Variants in FNTB observed in about 807,000 individuals in gnomAD.
FNTB encodes the protein protein farnesyltransferase subunit beta.
In FNTB, 27 loss-of-function variants were observed where a neutral mutation model predicts 59.4. That is an observed-to-expected ratio of 0.45 (90% CI 0.34 to 0.63). FNTB has a LOEUF of 0.63. Among genes scored for constraint, FNTB ranks in the 20% least tolerant of loss-of-function variants. The pLI, the probability that FNTB is intolerant of heterozygous loss-of-function variation, is 0.02. For synonymous variants in FNTB, 230 were observed against 220.7 expected (o/e 1.04, Z -0.37); for missense variants, 449 against 559.6 (o/e 0.80, Z 1.99).
intron 1 of FNTB, among the ~76,000 whole-genome samples, chr14:64,992,638 A>G (rs1271456797): frequency 2.0e-5 from 3 of 152,098 alleles, no homozygotes; most frequent in Non-Finnish European, 4.4e-5. Flanking sequence ...TTTTTTTTTA[A>G]GAAAGGGTCT....
intron 11 of FNTB, among the ~76,000 whole-genome samples, chr14:65,057,428 T>G (rs1200487542): frequency 2.0e-5 from 3 of 152,094 alleles, no homozygotes; most frequent in African/African-American, 4.8e-5. Flanking sequence ...CCAGCACCCC[T>G]TCCCCACAAA....
At chr14:65,017,071 C>T (rs1032026597) in intron 4 of FNTB, among the ~76,000 whole-genome samples, 3 of 151,866 alleles carry the variant, frequency 2.0e-5, no homozygotes, top group African/African-American at 7.3e-5. Context: ...TACAGGCACC[C>T]ACCACCGTGC....
At position 65,030,501 on chromosome 14, in the gene FNTB, G is replaced by A. The variant is rs2062059769; in HGVS notation, c.606-2109G>A. 6.6e-6 allele frequency among the ~76,000 whole-genome samples: 1 copy of A among 152,166 alleles called. No individual in the cohort carries two copies. Among genetic ancestry groups the A allele is most frequent in the African/African-American group, 2.4e-5 (1 of 41,446 alleles). ...TGTCTGTAATCTCAACACTTTGAGA[G>A]ACTGAGATGAGAGAATCACTTGAGG... On this transcript the variant is annotated intron_variant, in intron 6 of 11. Transcript: ENST00000246166. The surrounding 1 kb of genome is among the most constrained non-coding windows in gnomAD (Gnocchi z 4.5).
chr14:65,013,845 G>GTTATTTAAATC (rs1348611031), intron 3 of FNTB, among the ~76,000 whole-genome samples: 1 of 152,226 alleles, frequency 6.6e-6, no homozygotes, highest in Non-Finnish European at 1.5e-5. Context: ...ACTGCGCCCA[G>GTTATTTAAATC]TTGCATTCTC....
At position 65,012,211 on chromosome 14, in the gene FNTB, A is replaced by T; in HGVS notation, c.210-106A>T. On this transcript the variant is annotated intron_variant, in intron 2 of 11. Transcript: ENST00000246166. The surrounding 1 kb of genome is among the most constrained non-coding windows in gnomAD (Gnocchi z 5.0). ...TTATCCAGTCAGTGATTGCAGGGGG[A>T]CGTCCTGAAGCTGAGTGTTTACCCG... 1 of 1,372,438 alleles carries T rather than the reference A, an allele frequency of 7.3e-7. No individual in the cohort carries two copies. Among genetic ancestry groups the T allele is most frequent in the Non-Finnish European group, 1.0e-6 (1 of 980,472 alleles). The allele number at this position is 1,372,438 out of a possible 1,614,324, so 85.0% of individuals were successfully genotyped here.
intron 9 of FNTB, among the ~76,000 whole-genome samples, chr14:65,048,171 C>T (rs186673887): frequency 2.0e-4 from 31 of 151,586 alleles, no homozygotes; most frequent in Middle Eastern, 3.4e-3. Context: ...TTAGTAGAGA[C>T]AGGATATGAC....
chr14:65,061,539 C>T lies in FNTB; in HGVS notation c.*227C>T. ...CCTGTCAAACCAAAAATCTATCAGC[C>T]CACGTGGTGTGGTTGGTGAACAGTG... On this transcript the variant is annotated 3_prime_UTR_variant, in exon 12 of 12. Coordinates refer to ENST00000246166, the MANE Select transcript of FNTB (RefSeq NM_002028.4). 1 of 618,068 alleles carries T rather than the reference C, an allele frequency of 1.6e-6. No individual in the cohort carries two copies. Among genetic ancestry groups the T allele is most frequent in the Non-Finnish European group, 2.6e-6 (1 of 385,408 alleles). The allele number at this position is 618,068 out of a possible 1,614,324, so 38.3% of individuals were successfully genotyped here. A position where few individuals can be genotyped will look rare whatever the true frequency, so the allele number is the denominator to read the frequency against.
At chr14:65,035,348 T>A (rs983620871) in intron 7 of FNTB, among the ~76,000 whole-genome samples, 51 of 152,182 alleles carry the variant, frequency 3.4e-4, no homozygotes, top group Non-Finnish European at 7.3e-5. Context: ...CCTGCCCTTT[T>A]TCAGTCAGCT....
intron 11 of FNTB, among the ~76,000 whole-genome samples, chr14:65,058,368 T>G (rs2062789627): frequency 6.6e-6 from 1 of 152,128 alleles, no homozygotes; most frequent in African/African-American, 2.4e-5. Context: ...TGTATAGAAA[T>G]GCTAATAATA....
At chr14:65,060,568 C>T (rs1181004668) in intron 11 of FNTB, among the ~76,000 whole-genome samples, 6 of 125,796 alleles carry the variant, frequency 4.8e-5, no homozygotes, top group African/African-American at 9.0e-5. Flanking sequence ...TAGTGGCGGG[C>T]GCCTGTAGTC....
rs964162351 is a variant in FNTB at position 65,030,221 on chromosome 14, G to A, written c.606-2389G>A. ...CTCTTTAAGAGGCCTACAATTGCAA[G>A]GAAATTAGACAGATCTTCAAAATTA... On this transcript the variant is annotated intron_variant, in intron 6 of 11. Transcript: ENST00000246166. This position sits in a 1 kb window ranked among gnomAD's most constrained non-coding sequence, Gnocchi z 4.5. Among the ~76,000 whole-genome samples, 2 of 152,186 alleles carry A rather than the reference G, an allele frequency of 1.3e-5. No individual in the cohort carries two copies. The highest frequency in any genetic ancestry group is 4.8e-5 in the African/African-American group (2 of 41,452).
rs752927586 is a variant in FNTB at position 64,987,005 on chromosome 14, G to T, written c.52G>T (p.Val18Phe). 3 of 1,614,004 alleles carry T rather than the reference G, an allele frequency of 1.9e-6. No homozygotes were observed. The African/African-American group carries it at 4.0e-5, about 22-fold the overall frequency. Reference sequence around the variant, plus strand: ...CTATTGCCCTCCATCTTCCTCCCCCGTCTGGTCAGAGCCGCTGTACAGTCT... The same window carrying T: ...CTATTGCCCTCCATCTTCCTCCCCCTTCTGGTCAGAGCCGCTGTACAGTCT... ...TYYCPPSSSP[V>F]WSEPLYSLRP... The change falls in exon 1 of 12, where the codon GTC becomes TTC. Residue 18 changes from valine to phenylalanine, a missense_variant. Coordinates refer to ENST00000246166, the MANE Select transcript of FNTB (RefSeq NM_002028.4).
chr14:65,037,403 C>CTTTTTTTTTTGTT (rs2062222048), intron 7 of FNTB, among the ~76,000 whole-genome samples: 1 of 29,646 alleles, frequency 3.4e-5, no homozygotes, highest in Non-Finnish European at 7.3e-5. Flanking sequence ...ACGCCGGGCC[C>CTTTTTTTTTTGTT]TTTTTTTTTT....
chr14:65,024,035 G>A (rs2061935505), intron 4 of FNTB, among the ~76,000 whole-genome samples: 1 of 151,698 alleles, frequency 6.6e-6, no homozygotes, highest in Non-Finnish European at 1.5e-5. Context: ...CCAGGAGGCA[G>A]AGCTTGCAGT....
At position 64,997,470 on chromosome 14, in the gene FNTB, G is replaced by A. The variant is rs1888440828; in HGVS notation, c.145-6779G>A. Among the ~76,000 whole-genome samples, 1 of 152,194 alleles carries A rather than the reference G, an allele frequency of 6.6e-6. No homozygotes were observed. Among genetic ancestry groups the A allele is most frequent in the Non-Finnish European group, 1.5e-5 (1 of 68,034 alleles). On this transcript the variant is annotated intron_variant, in intron 1 of 11. Coordinates refer to ENST00000246166, the MANE Select transcript of FNTB (RefSeq NM_002028.4). This position sits in a 1 kb window ranked among gnomAD's most constrained non-coding sequence, Gnocchi z 4.5. ...AAACCTCCAAACCTTTGGGAAAATT[G>A]ATTTGAGTAATAACTCTGTCTCCAG...
intron 11 of FNTB, among the ~76,000 whole-genome samples, chr14:65,056,629 G>C (rs564326121): frequency 6.6e-6 from 1 of 152,262 alleles, no homozygotes; most frequent in Admixed American, 6.5e-5. Context: ...TGTCTTCTGC[G>C]AATTGTCTGC....
chr14:65,038,650 G>A (rs1318582114), intron 7 of FNTB, among the ~76,000 whole-genome samples: 1 of 151,578 alleles, frequency 6.6e-6, no homozygotes, highest in African/African-American at 2.4e-5. Context: ...CCCAGGAGGC[G>A]GAGGTTGCAG....
chr14:64,999,343 C>G (rs1888518148), intron 1 of FNTB, among the ~76,000 whole-genome samples: 1 of 152,162 alleles, frequency 6.6e-6, no homozygotes, highest in African/African-American at 2.4e-5. Flanking sequence ...CAGGCTGAGG[C>G]AGGAGAATCG....
Position 65,031,467 on chromosome 14 carries a change from G to A in FNTB, c.606-1143G>A, listed in dbSNP as rs113392881. On this transcript the variant is annotated intron_variant, in intron 6 of 11. Transcript: ENST00000246166. The surrounding 1 kb of genome is among the most constrained non-coding windows in gnomAD (Gnocchi z 4.6). ...CAAGTAGTTGGGACTACGGGCACAC[G>A]CCACCATGCCCAGCTAATTTTTGTG... 0.018 allele frequency among the ~76,000 whole-genome samples: 2,680 copies of A among 151,998 alleles called. 36 individuals are homozygous for A. Among genetic ancestry groups the A allele is most frequent in the Middle Eastern group, 0.037 (11 of 294 alleles).
Sources: allele counts gnomAD v4.1 joint callset (sites outside exome capture counted in the v4.1 genomes callset), GRCh38; gene constraint gnomAD v4.1.1; non-coding constraint Gnocchi (gnomAD v3.1); transcripts MANE v1.5; gene names NCBI Gene and HGNC (gene_info 2026-07-23, HGNC 2026-07-21).